Variants in PHYHIP observed in about 807,000 individuals in gnomAD.
PHYHIP encodes the protein phytanoyl-CoA hydroxylase-interacting protein.
PHYHIP carries 7 observed loss-of-function variants against 26.1 expected under a neutral mutation model. That is an observed-to-expected ratio of 0.27 (90% confidence interval 0.15 to 0.50). The LOEUF (loss-of-function observed/expected upper bound fraction) is 0.50. Ranked by LOEUF, PHYHIP falls within the 20% of genes least tolerant of loss-of-function variation. The probability of loss-of-function intolerance (pLI) is 0.98; values close to 1 mark genes in which losing one functional copy is unlikely to be tolerated. For missense variants in PHYHIP, 232 were observed against 454.7 expected (o/e 0.51, Z 4.45); for synonymous variants, 206 against 183.4 (o/e 1.12, Z -1.00).
chr8:22,228,505 A>C (rs7821707), intron 1 of PHYHIP, 119 bp from the exon 2 acceptor site: 5 of 612,860 alleles, frequency 8.2e-6, no homozygotes, highest in Non-Finnish European at 1.4e-5. Context: ...CACATGCCTC[A>C]TGAACCAGAT....
chr8:22,228,074 A>G, intron 2 of PHYHIP, 119 bp downstream of exon 2: 1 of 812,260 alleles, frequency 1.2e-6, no homozygotes, highest in Non-Finnish European at 2.1e-6. Context: ...TGACACAGGA[A>G]GAAGAGTGTG....
intron 4 of PHYHIP, among the ~76,000 whole-genome samples, chr8:22,222,587 C>T (rs995907731): frequency 3.9e-5 from 6 of 152,196 alleles, no homozygotes; most frequent in Non-Finnish European, 7.3e-5. Context: ...CTGTGCTCAA[C>T]AATTACACGT....
At chr8:22,231,343 C>T (rs536473034) in intron 1 of PHYHIP, among the ~76,000 whole-genome samples, 27 of 152,374 alleles carry the variant, frequency 1.8e-4, no homozygotes, top group Admixed American at 2.6e-4. Context: ...ATGTACCTCA[C>T]GTGTGCCAGA....
intron 2 of PHYHIP, among the ~76,000 whole-genome samples, chr8:22,227,333 G>A (rs1047492932): frequency 3.9e-5 from 6 of 152,202 alleles, no homozygotes; most frequent in African/African-American, 1.4e-4. Context: ...TCTGCACACT[G>A]CAGTGCCGTC....
intron 1 of PHYHIP, among the ~76,000 whole-genome samples, chr8:22,229,268 G>T (rs1829820986): frequency 6.6e-6 from 1 of 152,166 alleles, no homozygotes; most frequent in African/African-American, 2.4e-5. Flanking sequence ...TGATCACTAA[G>T]CTAAGATAGT....
rs559258967 is a variant in PHYHIP, at chr8:22,224,218, G to A, written c.458+8C>T. On this transcript the variant is annotated splice_region_variant and intron_variant, in intron 4 of 4. Transcript: ENST00000454243. ...CCGGCGGGTCCAGCCGGGAGCCCGCGCCCATACCTGGCATGCTGGAAGTAC... is the reference window on the plus strand; with the variant it reads ...CCGGCGGGTCCAGCCGGGAGCCCGCACCCATACCTGGCATGCTGGAAGTAC... The A allele has an allele frequency of 1.8e-5, 28 of 1,534,968 alleles. No homozygotes were observed. Among genetic ancestry groups the A allele is most frequent in the South Asian group, 1.0e-4 (9 of 89,570 alleles).
intron 3 of PHYHIP, 91 bp from the exon 4 acceptor site, chr8:22,224,434 C>G: frequency 1.3e-6 from 1 of 749,304 alleles, no homozygotes; most frequent in South Asian, 1.5e-5. Flanking sequence ...CTGTGTGTGC[C>G]GGCCAACCTC....
At position 22,221,196 on chromosome 8, in the gene PHYHIP, C is replaced by G. The variant is rs567770599; in HGVS notation, c.*157G>C. ...GGGCCACACTTACCAAGAGGACCAC[C>G]GTCTGTTGCCTCCAATGCCAAGGGG... is the stretch of plus-strand genomic sequence containing the variant. On this transcript the variant is annotated 3_prime_UTR_variant, in exon 5 of 5. Transcript: ENST00000454243. The surrounding 1 kb of genome is among the most constrained non-coding windows in gnomAD (Gnocchi z 7.9). 1.5e-6 allele frequency: 1 copy of G among 669,634 alleles called. No homozygotes were observed. The highest frequency in any genetic ancestry group is 1.8e-5 in the African/African-American group (1 of 55,454). The allele number at this position is 669,634 out of a possible 1,614,324, so 41.5% of individuals were successfully genotyped here.
chr8:22,227,348 C>T (rs994560143), intron 2 of PHYHIP, among the ~76,000 whole-genome samples: 3 of 152,142 alleles, frequency 2.0e-5, no homozygotes, highest in South Asian at 2.1e-4. Context: ...GCCGTCTCCA[C>T]GGCAACGGCA....
intron 1 of PHYHIP, among the ~76,000 whole-genome samples, chr8:22,229,720 C>T (rs1284882564): frequency 2.0e-5 from 3 of 152,194 alleles, no homozygotes; most frequent in African/African-American, 7.2e-5. Context: ...TCTTCTTTCT[C>T]CCCTCTTTTT....
At chr8:22,224,488 T>A in intron 3 of PHYHIP, 145 bp from the exon 4 acceptor site, 1 of 616,196 alleles carries the variant, frequency 1.6e-6, no homozygotes, top group East Asian at 2.8e-5. Context: ...CGCAGAACCT[T>A]AAACTCAGAT....
intron 3 of PHYHIP, among the ~76,000 whole-genome samples, chr8:22,224,977 G>C (rs778965784): frequency 3.3e-5 from 5 of 152,190 alleles, no homozygotes; most frequent in Non-Finnish European, 5.9e-5. Context: ...GGCACATACA[G>C]CTCCTTGGTA....
At chr8:22,224,810 C>T (rs577868285) in intron 3 of PHYHIP, among the ~76,000 whole-genome samples, 4 of 152,284 alleles carry the variant, frequency 2.6e-5, no homozygotes, top group African/African-American at 7.2e-5. Flanking sequence ...TTACAGGTGA[C>T]GGCTCGTGAG....
At chr8:22,227,641 G>C (rs762387479) in intron 2 of PHYHIP, 1 of 456,428 alleles carries the variant, frequency 2.2e-6, no homozygotes, top group South Asian at 1.5e-5. Flanking sequence ...CCCAGGAAAG[G>C]ACACACCCAC....
intron 4 of PHYHIP, chr8:22,223,978 C>T: frequency 2.1e-6 from 1 of 466,988 alleles, no homozygotes; most frequent in Non-Finnish European, 3.9e-6. Flanking sequence ...AGACCTCATT[C>T]TCCCAGGCTC....
At chr8:22,223,821 G>GGTATGATGTGTAGAT in intron 4 of PHYHIP, 1 of 164,154 alleles carries the variant, frequency 6.1e-6, no homozygotes, top group Non-Finnish European at 1.3e-5. Flanking sequence ...AAACCGACGA[G>GGTATGATGTGTAGAT]CTGGGTGCTT....
rs1484979679 is a variant in PHYHIP at position 22,221,468 on chromosome 8, T to G, written c.878A>C (p.Asp293Ala). 6.2e-7 allele frequency: 1 copy of G among 1,613,888 alleles called. No homozygotes were observed. Among genetic ancestry groups the G allele is most frequent in the Non-Finnish European group, 8.5e-7 (1 of 1,179,956 alleles). The change falls in exon 5 of 5, where the codon GAC becomes GCC. Residue 293 changes from aspartate (D) to alanine (A), a missense_variant. By Grantham distance (126) the Asp-to-Ala change is moderately radical (BLOSUM62 -2). Coordinates refer to ENST00000454243, the MANE Select transcript of PHYHIP (RefSeq NM_014759.5). This position sits in a 1 kb window ranked among gnomAD's most constrained non-coding sequence, Gnocchi z 7.9. ...ILEIIYTEPVDLSLGTLGEIS... is the reference protein window; with the variant it reads ...ILEIIYTEPVALSLGTLGEIS... Reference sequence around the variant, plus strand: ...CTCCCCCAGGGTGCCCAGGGACAGGTCGACGGGCTCAGTGTAGATGATCTC... The same window carrying G: ...CTCCCCCAGGGTGCCCAGGGACAGGGCGACGGGCTCAGTGTAGATGATCTC...
intron 2 of PHYHIP, 57 bp from the exon 3 acceptor site, chr8:22,227,082 C>G (rs927927199): frequency 2.0e-6 from 3 of 1,463,474 alleles, no homozygotes; most frequent in Non-Finnish European, 1.9e-6. Context: ...CATGCCCAAT[C>G]TGGGCATCAC....
At chr8:22,227,609 C>G (rs1196474056) in intron 2 of PHYHIP, 4 of 456,448 alleles carry the variant, frequency 8.8e-6, no homozygotes, top group Non-Finnish European at 1.8e-5. Context: ...TCCTCCCACC[C>G]ACCCCCACAC....
Sources: gnomAD v4.1 joint callset for allele counts (sites outside exome capture counted in the v4.1 genomes callset) on GRCh38, gnomAD v4.1.1 for gene constraint, Gnocchi (gnomAD v3.1) non-coding constraint, MANE v1.5 for transcripts, NCBI Gene and HGNC (gene_info 2026-07-23, HGNC 2026-07-21) for gene names.